Variants in SIL1 observed in about 807,000 individuals in gnomAD.
SIL1 encodes the protein nucleotide exchange factor SIL1.
In SIL1, 40 loss-of-function variants were observed where a neutral mutation model predicts 49.1. That is an observed-to-expected ratio of 0.81 (90% CI 0.63 to 1.06). The LOEUF (loss-of-function observed/expected upper bound fraction) is 1.06, where lower values mean the gene tolerates loss of function less well. Ranked by LOEUF, SIL1 falls within the 50% of genes least tolerant of loss-of-function variation. SIL1 has a pLI of 0.00. For missense variants in SIL1, 500 were observed against 572.6 expected, an observed-to-expected ratio of 0.87 and a Z score of 1.29; for synonymous variants, 253 against 250.8, an observed-to-expected ratio of 1.01 and a Z score of -0.08.
intron 1 of SIL1, among the ~76,000 whole-genome samples, chr5:139,195,002 G>A (rs933598293): frequency 1.3e-4 from 20 of 150,284 alleles, no homozygotes; most frequent in Non-Finnish European, 1.8e-4. Context: ...CAATGATCTC[G>A]GCTCATTGCA....
chr5:139,070,754 A>G (rs934680156), intron 3 of SIL1, among the ~76,000 whole-genome samples: 3 of 152,036 alleles, frequency 2.0e-5, no homozygotes, highest in Non-Finnish European at 4.4e-5. Context: ...GAAAAAAAAC[A>G]TCTTAATTGG....
At chr5:139,040,477 AT>A (rs1433157841) in intron 5 of SIL1, among the ~76,000 whole-genome samples, 9 of 95,646 alleles carry the variant, frequency 9.4e-5, no homozygotes, top group African/African-American at 4.4e-4. Context: ...GGAGAGGAGT[AT>A]TTTTTCTTTT....
chr5:139,001,842 T>C (rs916577222), intron 7 of SIL1, among the ~76,000 whole-genome samples: 3 of 151,766 alleles, frequency 2.0e-5, no homozygotes, highest in South Asian at 4.2e-4. Context: ...GAGGCAGAGG[T>C]TGCCGTGAGC....
chr5:139,104,127 T>C (rs544389403), intron 3 of SIL1, among the ~76,000 whole-genome samples: 2 of 152,344 alleles, frequency 1.3e-5, no homozygotes, highest in Admixed American at 6.5e-5. Flanking sequence ...TCAGCCTCCA[T>C]GCTGCAGGAG....
intron 3 of SIL1, among the ~76,000 whole-genome samples, chr5:139,074,003 G>A (rs1342217919): frequency 6.6e-6 from 1 of 152,120 alleles, no homozygotes; most frequent in Non-Finnish European, 1.5e-5. Flanking sequence ...ACTATGTGAG[G>A]TAATGCATAT....
chr5:138,984,803 G>A (rs1279518512), intron 7 of SIL1, among the ~76,000 whole-genome samples: 1 of 152,212 alleles, frequency 6.6e-6, no homozygotes, highest in Non-Finnish European at 1.5e-5. Flanking sequence ...GCCCAAGCTA[G>A]GGTGTGGGCA....
chr5:138,964,021 T>G (rs1349788256), intron 7 of SIL1, among the ~76,000 whole-genome samples: 1 of 152,212 alleles, frequency 6.6e-6, no homozygotes, highest in Non-Finnish European at 1.5e-5. Flanking sequence ...GGCCTGACCT[T>G]GCTCAAGGCC....
At chr5:139,170,137 G>A (rs1280392133) in intron 1 of SIL1, among the ~76,000 whole-genome samples, 1 of 152,232 alleles carries the variant, frequency 6.6e-6, no homozygotes, top group Non-Finnish European at 1.5e-5. Context: ...CCGAGGTGCT[G>A]GGATTGCAGA....
At chr5:139,075,803 A>T (rs1769935663) in intron 3 of SIL1, among the ~76,000 whole-genome samples, 1 of 152,242 alleles carries the variant, frequency 6.6e-6, no homozygotes, top group Non-Finnish European at 1.5e-5. Context: ...TGTGGCTGTC[A>T]TAATGACAGA....
In SIL1 at chr5:138,990,451, C is replaced by A. The variant is rs903528073; in HGVS notation, c.767+30720G>T. 2.0e-5 allele frequency among the ~76,000 whole-genome samples: 3 copies of A among 152,268 alleles called. No individual in the cohort carries two copies. In the South Asian group the frequency reaches 6.2e-4, roughly 32 times the overall value. On this transcript the variant is annotated intron_variant, in intron 7 of 9. Transcript: ENST00000394817. ...TTCATTCTATTTTCTAGATGCTTTC[C>A]AGCTGGCTTTTTATTTATTTTGAGA...
intron 7 of SIL1, among the ~76,000 whole-genome samples, chr5:138,979,949 G>A (rs1228710574): frequency 1.3e-5 from 2 of 152,176 alleles, no homozygotes; most frequent in Admixed American, 6.5e-5. Flanking sequence ...TCAGCCACCC[G>A]GGTGAGCAAA....
chr5:139,188,683 G>A (rs899889210), intron 1 of SIL1, among the ~76,000 whole-genome samples: 2 of 152,226 alleles, frequency 1.3e-5, no homozygotes, highest in South Asian at 4.1e-4. Context: ...ATACAAATCA[G>A]AGGAAAGCAG....
chr5:138,955,516 C>G (rs1387044215), intron 7 of SIL1, among the ~76,000 whole-genome samples: 2 of 152,092 alleles, frequency 1.3e-5, no homozygotes, highest in African/African-American at 4.8e-5. Flanking sequence ...AGCCAAGAGT[C>G]AGAGGTCATA....
intron 1 of SIL1, among the ~76,000 whole-genome samples, chr5:139,150,359 G>A (rs1054039358): frequency 1.3e-5 from 2 of 152,000 alleles, no homozygotes; most frequent in Non-Finnish European, 2.9e-5. Context: ...TACTGCACAC[G>A]CTGGAAACCC....
chr5:138,978,337 TA>T (rs1767438411), intron 7 of SIL1, among the ~76,000 whole-genome samples: 1 of 152,232 alleles, frequency 6.6e-6, no homozygotes, highest in Non-Finnish European at 1.5e-5. Flanking sequence ...TCTGACTTTT[TA>T]AAAGTTTCAT....
chr5:139,016,864 CCT>C (rs1768413018), intron 7 of SIL1: 1 of 151,646 alleles, frequency 6.6e-6, no homozygotes, highest in African/African-American at 2.4e-5. Flanking sequence ...TTTTTTCCCC[CCT>C]GACAGGGCCT....
intron 3 of SIL1, among the ~76,000 whole-genome samples, chr5:139,094,266 T>C (rs147094433): frequency 7.2e-5 from 11 of 152,302 alleles, no homozygotes; most frequent in African/African-American, 2.6e-4. Flanking sequence ...ACCTTAAGAA[T>C]AAACAGGTGA....
At chr5:139,087,414 C>T (rs1770246287) in intron 3 of SIL1, among the ~76,000 whole-genome samples, 1 of 152,126 alleles carries the variant, frequency 6.6e-6, no homozygotes, top group Non-Finnish European at 1.5e-5. Context: ...AGAACCAAGA[C>T]AGGCCTATAA....
At chr5:139,141,023 T>TC (rs1283503448) in intron 1 of SIL1, among the ~76,000 whole-genome samples, 2 of 151,776 alleles carry the variant, frequency 1.3e-5, no homozygotes, top group Non-Finnish European at 2.9e-5. Context: ...TGCCAAGACG[T>TC]CCCCCCGCAT....
Sources: allele counts gnomAD v4.1 joint callset (sites outside exome capture counted in the v4.1 genomes callset), GRCh38; gene constraint gnomAD v4.1.1; transcripts MANE v1.5; gene names NCBI Gene and HGNC (gene_info 2026-07-23, HGNC 2026-07-21).